Variants in CHRNE observed in about 807,000 individuals in gnomAD.
CHRNE encodes cholinergic receptor nicotinic epsilon subunit.
CHRNE carries 58 observed loss-of-function variants against 56.5 expected under a neutral mutation model. That is an observed-to-expected ratio of 1.03 (90% CI 0.83 to 1.28). The LOEUF (loss-of-function observed/expected upper bound fraction) is 1.28. Among genes scored for constraint, CHRNE ranks in the 50% most tolerant of loss-of-function variants. The pLI is 0.00. For synonymous variants in CHRNE, 385 were observed against 297.9 expected (o/e 1.29, Z -3.01); for missense variants, 793 against 688.9 (o/e 1.15, Z -1.69).
At chr17:4,903,873 T>G (rs938888591), upstream of CHRNE, among the ~76,000 whole-genome samples, 19 of 152,218 alleles carry the variant, frequency 1.2e-4, no homozygotes, top group African/African-American at 4.6e-4. Flanking sequence ...AAAAAATTTT[T>G]TTGAGACCAA....
At chr17:4,903,870 T>A (rs6502829), upstream of CHRNE, among the ~76,000 whole-genome samples, 29,916 of 151,460 alleles carry the variant, frequency 0.2, 3,541 homozygotes, top group African/African-American at 0.34. Flanking sequence ...TAAAAAAAAT[T>A]TTTTTGAGAC....
chr17:4,902,270 G>A lies in CHRNE; in HGVS notation c.291C>T (p.Thr97=), dbSNP rs768916373. 6.2e-7 allele frequency: 1 copy of A among 1,614,168 alleles called. No homozygotes were observed. Among genetic ancestry groups the A allele is most frequent in the South Asian group, 1.1e-5 (1 of 91,078 alleles). ...YSKDDFGGIE[T]LRVPSELVWL... The stretch of plus-strand genomic sequence containing the variant: ...ACACGAGTTCTGAAGGGACTCGCAG[G>A]GTTTCTATACCCCCAAAGTCGTCCT... The change falls in exon 4 of 12, where the codon ACC becomes ACT. Residue 97 remains threonine, a synonymous_variant. Transcript: ENST00000649488. The surrounding 1 kb of genome is among the most constrained non-coding windows in gnomAD (Gnocchi z 4.0).
Position 4,900,919 on chromosome 17 carries a change from G to C in CHRNE, c.803-12C>G. ...TTTCTGGCCGCCGGCTGGAGGGAGAGCCAGTGAGAGCGGGCCCCGCCTCCC... is the reference window on the plus strand; with the variant it reads ...TTTCTGGCCGCCGGCTGGAGGGAGACCCAGTGAGAGCGGGCCCCGCCTCCC... On this transcript the variant is annotated splice_polypyrimidine_tract_variant and intron_variant, in intron 7 of 11. Coordinates refer to ENST00000649488, the MANE Select transcript of CHRNE (RefSeq NM_000080.4). The C allele has an allele frequency of 6.2e-7, 1 of 1,614,104 alleles. No homozygotes were observed.
rs776203354 is a variant in CHRNE, at chr17:4,901,193, G to A, written c.602-3C>T. On this transcript the variant is annotated splice_region_variant and splice_polypyrimidine_tract_variant and intron_variant, in intron 6 of 11. Coordinates refer to ENST00000649488, the MANE Select transcript of CHRNE (RefSeq NM_000080.4). ...GTCGATGGCCCACTCGCCGTTCTCT[G>A]CGGGACGGGGGCACGGTCAGCTGGC... 43 of 1,601,508 alleles carry A rather than the reference G, an allele frequency of 2.7e-5. No homozygotes were observed. In the Middle Eastern group the frequency reaches 4.9e-4, roughly 18 times the overall value.
Position 4,898,893 on chromosome 17 carries a change from T to C in CHRNE, c.1327-2A>G. On this transcript the variant is annotated splice_acceptor_variant, in intron 11 of 11. Coordinates refer to ENST00000649488, the MANE Select transcript of CHRNE (RefSeq NM_000080.4). LOFTEE classifies it high-confidence loss of function. ...CATGCGCACCCAGTCGGACACTTCC[T>C]GGGGAAGGGTCGGCACAGTCAGTAA... 6.3e-7 allele frequency: 1 copy of C among 1,576,366 alleles called. No homozygotes were observed. Among genetic ancestry groups the C allele is most frequent in the Non-Finnish European group, 8.6e-7 (1 of 1,161,476 alleles).
upstream of CHRNE, among the ~76,000 whole-genome samples, chr17:4,904,149 G>A (rs916139607): frequency 3.3e-5 from 5 of 152,072 alleles, no homozygotes; most frequent in Admixed American, 1.3e-4. Flanking sequence ...GAGCCACCGC[G>A]CCCAGCCTCG....
In CHRNE at chr17:4,898,798, A is replaced by T. The variant is rs1383862389; in HGVS notation, c.1420T>A (p.Phe474Ile). Reference protein sequence around the residue: ...VLFSVGSSLIFLGAYFNRVPD... With the variant: ...VLFSVGSSLIILGAYFNRVPD... ...ACTCGGTTGAAGTAGGCCCCGAGGAAGATGAGGCTGGAGCCCACGCTGAAG... is the reference window on the plus strand; with the variant it reads ...ACTCGGTTGAAGTAGGCCCCGAGGATGATGAGGCTGGAGCCCACGCTGAAG... Residue 474 changes from phenylalanine to isoleucine, a missense_variant, in exon 12 of 12, where the codon TTC becomes ATC. Physicochemically the swap from Phe to Ile is conservative, Grantham distance 21 (BLOSUM62 0). Transcript: ENST00000649488. The T allele has an allele frequency of 2.5e-6, 4 of 1,608,160 alleles. No homozygotes were observed. Among genetic ancestry groups the T allele is most frequent in the Non-Finnish European group, 3.4e-6 (4 of 1,177,870 alleles).
chr17:4,903,734 T>G (rs1970050414), upstream of CHRNE, among the ~76,000 whole-genome samples: 1 of 152,138 alleles, frequency 6.6e-6, no homozygotes, highest in South Asian at 2.1e-4. Context: ...TCCTTGTCTA[T>G]CCCTGCTGCC....
chr17:4,900,829 A>AT lies in CHRNE; in HGVS notation c.880dup (p.Ile294AsnfsTer103). 1 of 1,614,052 alleles carries AT rather than the reference A, an allele frequency of 6.2e-7. No individual in the cohort carries two copies. The highest frequency in any genetic ancestry group is 8.5e-7 in the Non-Finnish European group (1 of 1,179,972). On this transcript the variant is annotated frameshift_variant, in exon 8 of 12. Transcript: ENST00000649488. LOFTEE classifies it high-confidence loss of function. Reference sequence around the variant, plus strand: ...CGGCACGCTCAGAGAAGTCTCTGGGATTTTCTGGGCAATGAGGAACAAGAA... The same window carrying AT: ...CGGCACGCTCAGAGAAGTCTCTGGGATTTTTCTGGGCAATGAGGAACAAGAA...
rs370770111 is a variant in CHRNE at position 4,899,085 on chromosome 17, G to T, written c.1242C>A (p.Gly414=). Residue 414 remains glycine (G), a synonymous_variant, in exon 11 of 12, where the codon GGC becomes GGA. Transcript: ENST00000649488. ...TWTAAFCQSL[G]AAAPEVRCCV... ...AGCAGCGGACCTCGGGGGCGGCGGC[G>T]CCCAGGCTCTGGCAGAAGGCAGCTG... The T allele has an allele frequency of 1.9e-4, 303 of 1,610,772 alleles. 3 individuals are homozygous for T. The Admixed American group carries it at 4.1e-3, about 22-fold the overall frequency.
rs1007252582 is a variant in CHRNE at position 4,900,356 on chromosome 17, G to T, written c.917+437C>A. The T allele has an allele frequency of 1.2e-5, 19 of 1,548,270 alleles. No individual in the cohort carries two copies. In the African/African-American group the frequency reaches 1.2e-4, roughly 10 times the overall value. ...GGGTAGCCCAAGCCGCAGGGCAGGG[G>T]GTTCGGCAAGCTGGGGCTGCGGTGG... On this transcript the variant is annotated intron_variant, in intron 8 of 11. Coordinates refer to ENST00000649488, the MANE Select transcript of CHRNE (RefSeq NM_000080.4).
intron 11 of CHRNE, 55 bp from the exon 12 acceptor site, chr17:4,898,946 G>A (rs926162931): frequency 9.0e-6 from 14 of 1,563,552 alleles, no homozygotes; most frequent in African/African-American, 2.7e-5. Context: ...CCAGCGGCAT[G>A]GGAGACAGTG....
chr17:4,900,177 G>T, intron 8 of CHRNE: 5 of 1,545,096 alleles, frequency 3.2e-6, no homozygotes, highest in Non-Finnish European at 4.4e-6. Context: ...GATACGCGGC[G>T]ATCGGGTAGC....
chr17:4,900,128 G>C lies in CHRNE; in HGVS notation c.918-546C>G, dbSNP rs763019934. The C allele has an allele frequency of 7.1e-6, 11 of 1,550,412 alleles. No homozygotes were observed. In the Admixed American group the frequency reaches 1.8e-4, roughly 25 times the overall value. ...AGCCACAGCCAGCCTCGTGAGCTTC[G>C]GCACCACCTTGTTAGAGGTGGGGTA... On this transcript the variant is annotated intron_variant, in intron 8 of 11. Coordinates refer to ENST00000649488, the MANE Select transcript of CHRNE (RefSeq NM_000080.4).
upstream of CHRNE, among the ~76,000 whole-genome samples, chr17:4,904,530 G>A (rs763353969): frequency 1.3e-5 from 2 of 152,118 alleles, no homozygotes; most frequent in Non-Finnish European, 2.9e-5. Context: ...AGGTAGGAGG[G>A]GCTGGCCTAA....
chr17:4,902,939 GGTCTCTGTCTTT>G lies in CHRNE; in HGVS notation c.46+67_46+78del. On this transcript the variant is annotated intron_variant, in intron 1 of 11. Coordinates refer to ENST00000649488, the MANE Select transcript of CHRNE (RefSeq NM_000080.4). This position sits in a 1 kb window ranked among gnomAD's most constrained non-coding sequence, Gnocchi z 4.0. ...AATACTGTGTCTAAGTCTCCATCTT[GGTCTCTGTCTTT>G]GTCTTCCCAGTCCCTTCATGTCAGT... The G allele has an allele frequency of 1.3e-6, 2 of 1,595,814 alleles. No individual in the cohort carries two copies. Among genetic ancestry groups the G allele is most frequent in the Non-Finnish European group, 8.6e-7 (1 of 1,163,644 alleles).
chr17:4,899,033 C>A lies in CHRNE; in HGVS notation c.1294G>T (p.Glu432Ter). 6.2e-7 allele frequency: 1 copy of A among 1,610,370 alleles called. No individual in the cohort carries two copies. Residue 432 changes from glutamate (E) to a stop codon, truncating the protein, a stop_gained, in exon 11 of 12, where the codon GAG (glutamate) becomes TAG (stop). Transcript: ENST00000649488. LOFTEE classifies it high-confidence loss of function. ...CCVDAVNFVA[E>*]STRDQEATGE... ...GTGGCCTCCTGATCTCTCGTGCTCT[C>A]GGCCACGAAGTTCACGGCATCCACA...
chr17:4,901,924 C>A lies in CHRNE; in HGVS notation c.500+8G>T, dbSNP rs759432257. 5.9e-6 allele frequency: 9 copies of A among 1,530,348 alleles called. No individual in the cohort carries two copies. Among genetic ancestry groups the A allele is most frequent in the Non-Finnish European group, 8.0e-6 (9 of 1,128,800 alleles). The allele number at this position is 1,530,348 out of a possible 1,614,324, so 94.8% of individuals were successfully genotyped here. A position where few individuals can be genotyped will look rare whatever the true frequency, so the allele number is the denominator to read the frequency against. On this transcript the variant is annotated splice_region_variant and intron_variant, in intron 5 of 11. Transcript: ENST00000649488. Reference sequence around the variant, plus strand: ...TAATCGTCCGGGCCTCGGAGTAGCTCTTCCCACCGGAAAATAAGCGAACAG... The same window carrying A: ...TAATCGTCCGGGCCTCGGAGTAGCTATTCCCACCGGAAAATAAGCGAACAG...
In CHRNE at chr17:4,899,069, C is replaced by T. The variant is rs1411735394; in HGVS notation, c.1258G>A (p.Val420Ile). 1 of 1,611,634 alleles carries T rather than the reference C, an allele frequency of 6.2e-7. No individual in the cohort carries two copies. The highest frequency in any genetic ancestry group is 8.5e-7 in the Non-Finnish European group (1 of 1,179,628). Reference sequence around the variant, plus strand: ...TTCACGGCATCCACACAGCAGCGGACCTCGGGGGCGGCGGCGCCCAGGCTC... The same window carrying T: ...TTCACGGCATCCACACAGCAGCGGATCTCGGGGGCGGCGGCGCCCAGGCTC... Reference protein sequence around the residue: ...CQSLGAAAPEVRCCVDAVNFV... With the variant: ...CQSLGAAAPEIRCCVDAVNFV... Residue 420 changes from valine to isoleucine, a missense_variant, in exon 11 of 12, where the codon GTC (valine) becomes ATC (isoleucine). By Grantham distance (29) the Val-to-Ile change is conservative. Coordinates refer to ENST00000649488, the MANE Select transcript of CHRNE (RefSeq NM_000080.4).
Sources: gnomAD v4.1 joint callset for allele counts (sites outside exome capture counted in the v4.1 genomes callset) on GRCh38, gnomAD v4.1.1 for gene constraint, Gnocchi (gnomAD v3.1) non-coding constraint, MANE v1.5 for transcripts, NCBI Gene and HGNC (gene_info 2026-07-23, HGNC 2026-07-21) for gene names.